Variants in ADCY9 observed in about 807,000 individuals in gnomAD.
ADCY9 encodes adenylate cyclase type 9.
In ADCY9, 50 loss-of-function variants were observed where a neutral mutation model predicts 101.5. The observed-to-expected ratio is 0.49, with a 90% CI of 0.39 to 0.62. The LOEUF (loss-of-function observed/expected upper bound fraction) is 0.62, where lower values mean the gene tolerates loss of function less well. ADCY9 is among the 20% of genes least tolerant of loss of function. The probability of loss-of-function intolerance (pLI) is 0.00; values close to 1 mark genes in which losing one functional copy is unlikely to be tolerated. For missense variants in ADCY9, 1,662 were observed against 1,800.4 expected, an observed-to-expected ratio of 0.92 and a Z score of 1.39; for synonymous variants, 905 against 769.3, an observed-to-expected ratio of 1.18 and a Z score of -2.92.
chr16:3,994,934 C>T (rs925150942), intron 3 of ADCY9, among the ~76,000 whole-genome samples: 46 of 152,094 alleles, frequency 3.0e-4, no homozygotes, highest in African/African-American at 9.2e-4. Context: ...CAGATCTAGG[C>T]GTACTTAAAA....
intron 2 of ADCY9, among the ~76,000 whole-genome samples, chr16:4,054,523 G>T (rs143695978): frequency 6.6e-6 from 1 of 152,124 alleles, no homozygotes; most frequent in East Asian, 1.9e-4. Context: ...ATTAGATACG[G>T]GAAGCACCTG....
intron 2 of ADCY9, among the ~76,000 whole-genome samples, chr16:4,030,291 T>A (rs916133503): frequency 2.0e-5 from 3 of 151,916 alleles, no homozygotes; most frequent in African/African-American, 7.3e-5. Flanking sequence ...GATGGATACG[T>A]TGTGATATGA....
rs534344637 is a variant in ADCY9 at position 3,965,399 on chromosome 16, G to T, written c.*376C>A. 2 of 258,262 alleles carry T rather than the reference G, an allele frequency of 7.7e-6. No homozygotes were observed. The highest frequency in any genetic ancestry group is 7.4e-5 in the South Asian group (1 of 13,512). The allele number at this position is 258,262 out of a possible 1,614,324, so 16.0% of individuals were successfully genotyped here. A position where few individuals can be genotyped will look rare whatever the true frequency, so the allele number is the denominator to read the frequency against. ...CGAAAATAGTGTCTCGTGGGACGTG[G>T]GAAAAAGCAATAAAAATGAGATCTT... On this transcript the variant is annotated 3_prime_UTR_variant, in exon 11 of 11. Coordinates refer to ENST00000294016, the MANE Select transcript of ADCY9 (RefSeq NM_001116.4).
At chr16:4,079,956 C>T (rs2056891727) in intron 2 of ADCY9, among the ~76,000 whole-genome samples, 1 of 151,902 alleles carries the variant, frequency 6.6e-6, no homozygotes, top group African/African-American at 2.4e-5. Flanking sequence ...ATGGTCACCC[C>T]CTTTGCCATC....
At chr16:4,081,469 G>A (rs1473686163) in intron 2 of ADCY9, among the ~76,000 whole-genome samples, 3 of 152,192 alleles carry the variant, frequency 2.0e-5, no homozygotes, top group African/African-American at 4.8e-5. Flanking sequence ...TTGTTATAAG[G>A]TTTCTTAACA....
At chr16:3,969,614 T>TATATATACACGTA (rs1567414929) in intron 10 of ADCY9, among the ~76,000 whole-genome samples, 23 of 50,718 alleles carry the variant, frequency 4.5e-4, no homozygotes, top group Non-Finnish European at 8.3e-4. Flanking sequence ...ATATATGTAT[T>TATATATACACGTA]TTTTTTTTTT....
At chr16:4,010,589 C>T (rs2056397396) in intron 2 of ADCY9, among the ~76,000 whole-genome samples, 1 of 152,150 alleles carries the variant, frequency 6.6e-6, no homozygotes, top group Admixed American at 6.5e-5. Context: ...CTATTTTGGC[C>T]GAGATCGTGA....
intron 2 of ADCY9, among the ~76,000 whole-genome samples, chr16:4,073,002 A>G (rs934607718): frequency 6.6e-6 from 1 of 151,414 alleles, no homozygotes. Context: ...AAGAAAAAAA[A>G]AAAAAAAAGA....
At position 4,115,676 on chromosome 16, in the gene ADCY9, C is replaced by G; in HGVS notation, c.-44+14G>C. The G allele has an allele frequency of 1.8e-6, 1 of 549,026 alleles. No individual in the cohort carries two copies. Among genetic ancestry groups the G allele is most frequent in the South Asian group, 3.2e-5 (1 of 31,636 alleles). 34.0% of individuals were successfully genotyped at this position (549,026 alleles called of 1,614,324 possible). A position where few individuals can be genotyped will look rare whatever the true frequency, so the allele number is the denominator to read the frequency against. Reference sequence around the variant, plus strand: ...CCCCACCTTCGAGGCGCACGAGAACCGCTCGGGACGGACCTAGAACGCCCG... The same window carrying G: ...CCCCACCTTCGAGGCGCACGAGAACGGCTCGGGACGGACCTAGAACGCCCG... On this transcript the variant is annotated intron_variant, in intron 1 of 10. Transcript: ENST00000294016. The surrounding 1 kb of genome is among the most constrained non-coding windows in gnomAD (Gnocchi z 6.2).
chr16:4,009,947 C>G (rs2056392554), intron 2 of ADCY9, among the ~76,000 whole-genome samples: 1 of 152,204 alleles, frequency 6.6e-6, no homozygotes, highest in African/African-American at 2.4e-5. Flanking sequence ...CACCAGGTGG[C>G]AGGGTGGTGA....
intron 2 of ADCY9, among the ~76,000 whole-genome samples, chr16:4,017,737 C>A (rs745501272): frequency 7.9e-5 from 12 of 151,434 alleles, no homozygotes; most frequent in Admixed American, 5.3e-4. Context: ...ACTAAAAATT[C>A]AACATAGCAA....
intron 7 of ADCY9, 80 bp from the exon 8 acceptor site, chr16:3,979,355 C>G (rs1363116174): frequency 6.6e-7 from 1 of 1,505,420 alleles, no homozygotes; most frequent in Non-Finnish European, 9.0e-7. Context: ...GAGGCCGCAG[C>G]CAGCGCCGCC....
intron 2 of ADCY9, among the ~76,000 whole-genome samples, chr16:4,032,432 G>A (rs1183835990): frequency 6.6e-6 from 1 of 152,084 alleles, no homozygotes; most frequent in Non-Finnish European, 1.5e-5. Context: ...CAACCTGCCT[G>A]GTAGATATGC....
intron 10 of ADCY9, 88 bp downstream of exon 10, chr16:3,974,581 T>A: frequency 9.4e-7 from 1 of 1,063,610 alleles, no homozygotes; most frequent in Non-Finnish European, 1.4e-6. Flanking sequence ...TTATTCAAGA[T>A]CCCATTGTTT....
chr16:3,988,923 C>A (rs1425646965), intron 6 of ADCY9, 71 bp downstream of exon 6: 12 of 1,240,496 alleles, frequency 9.7e-6, no homozygotes, highest in Non-Finnish European at 1.3e-5. Flanking sequence ...AAGCACAAAA[C>A]TAACAGTGAA....
intron 7 of ADCY9, among the ~76,000 whole-genome samples, chr16:3,981,169 G>A (rs1421937145): frequency 2.0e-5 from 3 of 152,166 alleles, no homozygotes; most frequent in African/African-American, 7.2e-5. Context: ...CCTGTTCAGG[G>A]GTGCAGCAGC....
In ADCY9 at chr16:3,992,925, A is replaced by G. The variant is rs2056257121; in HGVS notation, c.1989+481T>C. The stretch of plus-strand genomic sequence containing the variant: ...GCGCCCCAGGTGAGTCGCCTGCATG[A>G]GCCCCCGCCGACAGGCTCTCGCGGG... On this transcript the variant is annotated intron_variant, in intron 4 of 10. Transcript: ENST00000294016. The surrounding 1 kb of genome is among the most constrained non-coding windows in gnomAD (Gnocchi z 4.2). Among the ~76,000 whole-genome samples, 1 of 152,060 alleles carries G rather than the reference A, an allele frequency of 6.6e-6. No homozygotes were observed. Among genetic ancestry groups the G allele is most frequent in the African/African-American group, 2.4e-5 (1 of 41,406 alleles).
intron 5 of ADCY9, among the ~76,000 whole-genome samples, chr16:3,990,101 C>T (rs550038885): frequency 3.6e-4 from 55 of 152,240 alleles, no homozygotes; most frequent in African/African-American, 1.2e-3. Flanking sequence ...ACTAAGGGAA[C>T]GTTAACATGA....
chr16:4,105,969 T>A (rs2057074546), intron 2 of ADCY9, among the ~76,000 whole-genome samples: 1 of 152,206 alleles, frequency 6.6e-6, no homozygotes, highest in Non-Finnish European at 1.5e-5. Context: ...TCCCAGCTTC[T>A]GCCCTCTAGG....
Sources: allele counts gnomAD v4.1 joint callset (sites outside exome capture counted in the v4.1 genomes callset), GRCh38; gene constraint gnomAD v4.1.1; non-coding constraint Gnocchi (gnomAD v3.1); transcripts MANE v1.5; gene names NCBI Gene and HGNC (gene_info 2026-07-23, HGNC 2026-07-21).